NHSL2: variants seen among roughly 807,000 people sequenced by gnomAD.
NHSL2 encodes the protein NHS like 2.
A neutral mutation model predicts 53.4 loss-of-function variants in NHSL2; 27 were observed. That is an observed-to-expected ratio of 0.51 (90% CI 0.37 to 0.70). NHSL2 has a LOEUF of 0.70. Among genes scored for constraint, NHSL2 ranks in the 30% least tolerant of loss-of-function variants. The pLI is 0.00. For synonymous variants in NHSL2, 408 were observed against 404.1 expected, an observed-to-expected ratio of 1.01 and a Z score of -0.12; for missense variants, 892 against 980.1, an observed-to-expected ratio of 0.91 and a Z score of 1.20.
intron 1 of NHSL2, among the ~76,000 whole-genome samples, chrX:72,104,688 G>A (rs2042023998): frequency 9.0e-6 from 1 of 111,530 alleles, no homozygotes; most frequent in South Asian, 3.8e-4. Flanking sequence ...TCTATTTTAA[G>A]TATATTAAAT....
In NHSL2 at chrX:72,144,844, AAG is replaced by A. The variant is rs1338296643; in HGVS notation, c.*1273_*1274del. 6.6e-6 allele frequency: 1 copy of A among 152,244 alleles called. No individual in the cohort carries two copies. The highest frequency in any genetic ancestry group is 3.2e-5 in the African/African-American group (1 of 31,331). 12.5% of individuals were successfully genotyped at this position (152,244 alleles called of 1,213,427 possible). A position where few individuals can be genotyped will look rare whatever the true frequency, so the allele number is the denominator to read the frequency against. On this transcript the variant is annotated 3_prime_UTR_variant, in exon 8 of 8. Coordinates refer to ENST00000633930, the MANE Select transcript of NHSL2 (RefSeq NM_001013627.3). Reference sequence around the variant, plus strand: ...AGAACCTGGGTAAATGGCATACTGAAAGAGCTTCAGAATAATCATTGCGACCC... The same window carrying A: ...AGAACCTGGGTAAATGGCATACTGAAAGCTTCAGAATAATCATTGCGACCC...
intron 1 of NHSL2, among the ~76,000 whole-genome samples, chrX:72,093,749 TC>T (rs2041919902): frequency 7.6e-5 from 8 of 104,990 alleles, no homozygotes; most frequent in Non-Finnish European, 1.4e-4. Flanking sequence ...TTTCTTTCTT[TC>T]TTTCTTTCTT....
At chrX:72,019,847 A>G (rs1237593267) in intron 1 of NHSL2, among the ~76,000 whole-genome samples, 1 of 112,072 alleles carries the variant, frequency 8.9e-6, no homozygotes, top group African/African-American at 3.2e-5. Context: ...GATTCAACAA[A>G]TGAATCCAGT....
intron 1 of NHSL2, among the ~76,000 whole-genome samples, chrX:72,036,273 G>A (rs965061901): frequency 8.9e-6 from 1 of 111,737 alleles, no homozygotes; most frequent in Admixed American, 9.4e-5. Context: ...AGGATTCTGG[G>A]TTGACAACTC....
chrX:72,003,946 ATT>A (rs1268496971), intron 1 of NHSL2, among the ~76,000 whole-genome samples: 4 of 112,089 alleles, frequency 3.6e-5, no homozygotes, highest in African/African-American at 1.3e-4. Context: ...CCTGCCTGGC[ATT>A]AGTTCCACTT....
At chrX:72,137,594 G>A (rs1472382309) in intron 5 of NHSL2, among the ~76,000 whole-genome samples, 1 of 111,703 alleles carries the variant, frequency 9.0e-6, no homozygotes, top group Non-Finnish European at 1.9e-5. Flanking sequence ...CACAGACCAG[G>A]GAGATAGCAG....
intron 1 of NHSL2, among the ~76,000 whole-genome samples, chrX:71,969,449 A>T (rs1286613241): frequency 9.2e-6 from 1 of 109,189 alleles, no homozygotes; most frequent in East Asian, 2.8e-4. Flanking sequence ...AGTAGCTGGG[A>T]TTACAGGCAC....
chrX:72,114,457 G>A (rs1490805985), intron 1 of NHSL2, among the ~76,000 whole-genome samples: 1 of 111,658 alleles, frequency 9.0e-6, no homozygotes, highest in Non-Finnish European at 1.9e-5. Context: ...GGAGGCCCCA[G>A]GAAGCCGACC....
intron 1 of NHSL2, among the ~76,000 whole-genome samples, chrX:72,108,525 A>G (rs1478387418): frequency 8.9e-6 from 1 of 112,963 alleles, no homozygotes; most frequent in Non-Finnish European, 1.9e-5. Flanking sequence ...TTGAACCCAC[A>G]TCGTCTGCTC....
At chrX:72,135,893 A>C (rs2042351883) in intron 4 of NHSL2, among the ~76,000 whole-genome samples, 1 of 111,180 alleles carries the variant, frequency 9.0e-6, no homozygotes, top group Non-Finnish European at 1.9e-5. Flanking sequence ...AAAAATAGCC[A>C]GGCGTGGTGG....
At chrX:72,087,187 G>A (rs1331680031) in intron 1 of NHSL2, among the ~76,000 whole-genome samples, 1 of 112,741 alleles carries the variant, frequency 8.9e-6, no homozygotes, top group South Asian at 3.6e-4. Context: ...AAAAAGGAAT[G>A]AAGTTCTGAC....
intron 1 of NHSL2, among the ~76,000 whole-genome samples, chrX:72,121,896 A>G (rs961222868): frequency 8.9e-6 from 1 of 112,440 alleles, no homozygotes; most frequent in African/African-American, 3.2e-5. Flanking sequence ...CTTTATCACC[A>G]ACAGAAATCA....
intron 1 of NHSL2, among the ~76,000 whole-genome samples, chrX:71,915,232 G>A (rs1225989126): frequency 2.7e-5 from 3 of 112,099 alleles, no homozygotes; most frequent in African/African-American, 9.7e-5. Flanking sequence ...GAATAGTAGA[G>A]TAATAGGAGA....
At chrX:71,968,031 C>G (rs2041908852) in intron 1 of NHSL2, among the ~76,000 whole-genome samples, 1 of 108,888 alleles carries the variant, frequency 9.2e-6, no homozygotes, top group African/African-American at 3.3e-5. Flanking sequence ...GGTCTCTGCC[C>G]CATTGTCCAG....
In NHSL2 at chrX:72,150,232, T is replaced by C. The variant is rs1264238394; in HGVS notation, c.*6658T>C. On this transcript the variant is annotated 3_prime_UTR_variant, in exon 8 of 8. Coordinates refer to ENST00000633930, the MANE Select transcript of NHSL2 (RefSeq NM_001013627.3). ...CTAAAAGTTGTGTGAAAAATGAGTT[T>C]TTTAGATATCAAGTATCATTTTTTA... The C allele has an allele frequency of 8.9e-6, 1 of 112,605 alleles. No homozygotes were observed. The highest frequency in any genetic ancestry group is 1.9e-5 in the Non-Finnish European group (1 of 53,380). The allele number at this position is 112,605 out of a possible 1,213,427, so 9.3% of individuals were successfully genotyped here.
At chrX:71,982,104 A>C (rs1374202535) in intron 1 of NHSL2, among the ~76,000 whole-genome samples, 1 of 112,555 alleles carries the variant, frequency 8.9e-6, no homozygotes. Context: ...GTGTGAGTGG[A>C]TAAACAGTTG....
At chrX:72,109,367 G>A (rs1454387153) in intron 1 of NHSL2, among the ~76,000 whole-genome samples, 1 of 112,144 alleles carries the variant, frequency 8.9e-6, no homozygotes, top group South Asian at 3.7e-4. Context: ...AGGTCACAGG[G>A]CTTAGGAAGA....
chrX:72,065,736 G>A (rs1001119349), intron 1 of NHSL2, among the ~76,000 whole-genome samples: 9 of 112,318 alleles, frequency 8.0e-5, no homozygotes, highest in African/African-American at 2.6e-4. Context: ...GGGAGGTTAA[G>A]TAAGTTGTAC....
chrX:72,115,971 C>T (rs1037430517), intron 1 of NHSL2, among the ~76,000 whole-genome samples: 1 of 111,129 alleles, frequency 9.0e-6, no homozygotes, highest in East Asian at 2.8e-4. Flanking sequence ...CCCAGCAATT[C>T]GTGTTTTATC....
Sources: gnomAD v4.1 joint callset for allele counts (sites outside exome capture counted in the v4.1 genomes callset) on GRCh38, gnomAD v4.1.1 for gene constraint, MANE v1.5 for transcripts, NCBI Gene and HGNC (gene_info 2026-07-23, HGNC 2026-07-21) for gene names.